The following DCC variants were observed in gnomAD, a reference collection of about 807,000 sequenced individuals.
The protein encoded by DCC is netrin receptor DCC.
In DCC, 58 loss-of-function variants were observed where a neutral mutation model predicts 172.5. The observed-to-expected ratio is 0.34, with a 90% CI of 0.27 to 0.42. The LOEUF (loss-of-function observed/expected upper bound fraction) is 0.42, where lower values mean the gene tolerates loss of function less well. DCC is among the 10% of genes least tolerant of loss of function. The probability of loss-of-function intolerance (pLI) is 1.00; values close to 1 mark genes in which losing one functional copy is unlikely to be tolerated. For synonymous variants in DCC, 709 were observed against 644.5 expected (o/e 1.10, Z -1.52); for missense variants, 1,740 against 1,791.0 (o/e 0.97, Z 0.51).
rs1251139123 is a variant in DCC at position 52,696,954 on chromosome 18, C to T, written c.92-55100C>T. 1.1e-4 allele frequency among the ~76,000 whole-genome samples: 16 copies of T among 152,238 alleles called. No homozygotes were observed. The East Asian group carries it at 1.2e-3, about 11-fold the overall frequency. On this transcript the variant is annotated intron_variant, in intron 1 of 28. Transcript: ENST00000442544. Reference sequence around the variant, plus strand: ...AATGTGGGATGGGACCAAGTATCTGCTGCACAGTCAGATTTGGGAGGTACC... The same window carrying T: ...AATGTGGGATGGGACCAAGTATCTGTTGCACAGTCAGATTTGGGAGGTACC...
intron 2 of DCC, among the ~76,000 whole-genome samples, chr18:52,798,269 G>A (rs2037916051): frequency 6.6e-6 from 1 of 152,198 alleles, no homozygotes; most frequent in South Asian, 2.1e-4. Flanking sequence ...CTTTAATAGA[G>A]TAGAGAAAAC....
intron 12 of DCC, among the ~76,000 whole-genome samples, chr18:53,262,825 G>T (rs73463031): frequency 0.054 from 8,173 of 152,214 alleles, 761 homozygotes; most frequent in African/African-American, 0.19. Flanking sequence ...TTATCTGCCA[G>T]CTAATAAAAT....
At chr18:52,437,292 T>A (rs1598817607) in intron 1 of DCC, among the ~76,000 whole-genome samples, 1 of 151,796 alleles carries the variant, frequency 6.6e-6, no homozygotes, top group Admixed American at 6.6e-5. Flanking sequence ...ATGTGGAGGG[T>A]TCAGGGTAGT....
chr18:52,369,222 T>C (rs534497791), intron 1 of DCC, among the ~76,000 whole-genome samples: 13 of 152,068 alleles, frequency 8.5e-5, no homozygotes, highest in Non-Finnish European at 1.9e-4. Context: ...TAAATTTTAC[T>C]TCTATAATTC....
At chr18:52,789,977 C>G (rs536846838) in intron 2 of DCC, among the ~76,000 whole-genome samples, 48 of 152,178 alleles carry the variant, frequency 3.2e-4, no homozygotes, top group Non-Finnish European at 5.7e-4. Flanking sequence ...CCTCCCTTAA[C>G]TGCTCTCAAG....
chr18:52,594,232 C>T (rs907219672), intron 1 of DCC, among the ~76,000 whole-genome samples: 3 of 152,244 alleles, frequency 2.0e-5, no homozygotes, highest in African/African-American at 2.4e-5. Flanking sequence ...AACTGATCCA[C>T]ATATAGCTGG....
At chr18:52,450,260 A>G (rs190170998) in intron 1 of DCC, among the ~76,000 whole-genome samples, 8 of 152,332 alleles carry the variant, frequency 5.3e-5, no homozygotes, top group Admixed American at 2.6e-4. Flanking sequence ...GCTTATATGA[A>G]TGGAAGAGGC....
intron 1 of DCC, among the ~76,000 whole-genome samples, chr18:52,468,076 T>C (rs1246622790): frequency 6.6e-6 from 1 of 152,188 alleles, no homozygotes; most frequent in Non-Finnish European, 1.5e-5. Context: ...ATAGTTATGT[T>C]CATTCATTCA....
chr18:53,221,719 A>C (rs937586991), intron 12 of DCC, among the ~76,000 whole-genome samples: 1 of 152,198 alleles, frequency 6.6e-6, no homozygotes, highest in African/African-American at 2.4e-5. Context: ...TGCTTCATTT[A>C]ATTGAGAAAT....
chr18:53,032,579 C>T (rs1009081162), intron 5 of DCC, among the ~76,000 whole-genome samples: 3 of 152,140 alleles, frequency 2.0e-5, no homozygotes, highest in Non-Finnish European at 4.4e-5. Flanking sequence ...TGTGGATTCA[C>T]TACCTATCGT....
chr18:52,408,924 G>C lies in DCC; in HGVS notation c.91+68046G>C, dbSNP rs374496779. On this transcript the variant is annotated intron_variant, in intron 1 of 28. Coordinates refer to ENST00000442544, the MANE Select transcript of DCC (RefSeq NM_005215.4). ...GAGTGCTATTTGTTTTTATTAGGTT[G>C]AACTACAAGGCTCATGTCATCCTTA... 1.3e-4 allele frequency: 20 copies of C among 152,154 alleles called. 1 individual carries two copies. The East Asian group carries it at 3.5e-3, about 27-fold the overall frequency. 9.4% of individuals were successfully genotyped at this position (152,154 alleles called of 1,614,324 possible).
intron 5 of DCC, among the ~76,000 whole-genome samples, chr18:53,059,207 A>C (rs1325546599): frequency 2.0e-5 from 3 of 152,064 alleles, no homozygotes; most frequent in African/African-American, 7.2e-5. Context: ...ATTACCTCCT[A>C]CTGGTTCCCT....
intron 8 of DCC, among the ~76,000 whole-genome samples, chr18:53,165,778 G>C (rs1365419834): frequency 6.6e-6 from 1 of 152,114 alleles, no homozygotes; most frequent in African/African-American, 2.4e-5. Flanking sequence ...GAAAATAGAA[G>C]AGAACCCAGC....
chr18:52,869,163 CATTTG>C (rs1354760546), intron 2 of DCC, among the ~76,000 whole-genome samples: 1 of 152,200 alleles, frequency 6.6e-6, no homozygotes, highest in East Asian at 1.9e-4. Context: ...TTAGCCTCGC[CATTTG>C]TTGGTTCCCA....
intron 2 of DCC, among the ~76,000 whole-genome samples, chr18:52,780,473 T>C (rs536469835): frequency 9.9e-5 from 15 of 152,152 alleles, no homozygotes; most frequent in South Asian, 4.1e-4. Flanking sequence ...TAATAAAAGA[T>C]AATAAGAGAA....
chr18:53,047,269 TATATA>T (rs2042255278), intron 5 of DCC, among the ~76,000 whole-genome samples: 1 of 17,440 alleles, frequency 5.7e-5, no homozygotes, highest in African/African-American at 5.7e-4. Flanking sequence ...TATATATATA[TATATA>T]TATATATATA....
chr18:52,525,747 G>A (rs970249892), intron 1 of DCC, among the ~76,000 whole-genome samples: 8 of 152,188 alleles, frequency 5.3e-5, no homozygotes, highest in Non-Finnish European at 8.8e-5. Context: ...GTCATAGACA[G>A]ATCTTAACTC....
chr18:53,287,243 TCTTTCATGAGTGG>T (rs2056946836), intron 12 of DCC, among the ~76,000 whole-genome samples: 1 of 152,230 alleles, frequency 6.6e-6, no homozygotes, highest in Non-Finnish European at 1.5e-5. Flanking sequence ...CACTATGTGG[TCTTTCATGAGTGG>T]CTTTCAGATG....
intron 27 of DCC, among the ~76,000 whole-genome samples, chr18:53,517,659 GC>G (rs1313248892): frequency 6.6e-6 from 1 of 151,984 alleles, no homozygotes; most frequent in Non-Finnish European, 1.5e-5. Context: ...GGAGAAAGGA[GC>G]AGAGAGGGGA....
Sources: allele counts gnomAD v4.1 joint callset (sites outside exome capture counted in the v4.1 genomes callset), GRCh38; gene constraint gnomAD v4.1.1; transcripts MANE v1.5; gene names NCBI Gene and HGNC (gene_info 2026-07-23, HGNC 2026-07-21).